Variants in CD247 observed in about 807,000 individuals in gnomAD.
The protein encoded by CD247 is T-cell surface glycoprotein CD3 zeta chain.
A neutral mutation model predicts 30.0 loss-of-function variants in CD247; 13 were observed. The observed-to-expected ratio is 0.43, with a 90% CI of 0.28 to 0.69. The LOEUF (loss-of-function observed/expected upper bound fraction) is 0.69, where lower values mean the gene tolerates loss of function less well. Among genes scored for constraint, CD247 ranks in the 30% least tolerant of loss-of-function variants. CD247 has a pLI of 0.16. For missense variants in CD247, 193 were observed against 212.6 expected, an observed-to-expected ratio of 0.91 and a Z score of 0.57; for synonymous variants, 72 against 80.0, an observed-to-expected ratio of 0.90 and a Z score of 0.53.
intron 1 of CD247, among the ~76,000 whole-genome samples, chr1:167,463,204 C>G (rs964300001): frequency 6.6e-6 from 1 of 152,170 alleles, no homozygotes; most frequent in Non-Finnish European, 1.5e-5. Context: ...CAGGAATTGT[C>G]CAGGGAATTA....
intron 1 of CD247, 96 bp downstream of exon 1, chr1:167,518,312 C>A: frequency 8.5e-7 from 1 of 1,173,750 alleles, no homozygotes; most frequent in Non-Finnish European, 1.3e-6. Flanking sequence ...TGAAGGAGAC[C>A]CCAGCCCCTC....
intron 1 of CD247, among the ~76,000 whole-genome samples, chr1:167,509,327 G>T (rs980149537): frequency 7.0e-6 from 1 of 142,772 alleles, no homozygotes; most frequent in Non-Finnish European, 1.5e-5. Context: ...TCGCGCCATT[G>T]CACTCCAGCC....
At chr1:167,478,028 GC>G (rs1241804699) in intron 1 of CD247, among the ~76,000 whole-genome samples, 5 of 152,204 alleles carry the variant, frequency 3.3e-5, no homozygotes, top group African/African-American at 1.2e-4. Flanking sequence ...CTGAGCTAAA[GC>G]CCTTGGCAAC....
intron 5 of CD247, 53 bp from the exon 6 acceptor site, chr1:167,434,129 C>T: frequency 6.5e-7 from 1 of 1,531,018 alleles, no homozygotes. Context: ...CAGAAAGCAG[C>T]AGGTTCCCCT....
chr1:167,483,359 A>G (rs574491669), intron 1 of CD247, among the ~76,000 whole-genome samples: 2 of 152,294 alleles, frequency 1.3e-5, no homozygotes, highest in Non-Finnish European at 2.9e-5. Context: ...TGTCCAGTGA[A>G]GAAAATCAGG....
intron 1 of CD247, among the ~76,000 whole-genome samples, chr1:167,482,109 G>T (rs1214606): frequency 0.38 from 57,915 of 152,008 alleles, 11,219 homozygotes; most frequent in East Asian, 0.48. Flanking sequence ...GCATGAATGA[G>T]AGGTCTTCTA....
intron 1 of CD247, among the ~76,000 whole-genome samples, chr1:167,445,098 G>A (rs1166089563): frequency 2.0e-5 from 3 of 151,954 alleles, no homozygotes; most frequent in Non-Finnish European, 4.4e-5. Context: ...GCTAATTTTT[G>A]TAATTTTAGT....
intron 1 of CD247, among the ~76,000 whole-genome samples, chr1:167,475,469 T>C (rs1045361163): frequency 2.6e-5 from 4 of 152,186 alleles, no homozygotes; most frequent in African/African-American, 9.7e-5. Context: ...AGTTTCTCTC[T>C]ATAGAAATAT....
chr1:167,508,494 A>G (rs907802422), intron 1 of CD247, among the ~76,000 whole-genome samples: 1 of 152,236 alleles, frequency 6.6e-6, no homozygotes, highest in Non-Finnish European at 1.5e-5. Flanking sequence ...AAGAAAAAGG[A>G]TAATCCTCTT....
At chr1:167,453,027 GAT>G (rs553658525) in intron 1 of CD247, among the ~76,000 whole-genome samples, 1 of 45,548 alleles carries the variant, frequency 2.2e-5, no homozygotes, top group Non-Finnish European at 4.4e-5. Flanking sequence ...ATATATTATA[GAT>G]ATATATTATA....
chr1:167,480,998 G>A (rs990876245), intron 1 of CD247, among the ~76,000 whole-genome samples: 2 of 152,192 alleles, frequency 1.3e-5, no homozygotes, highest in African/African-American at 4.8e-5. Flanking sequence ...TCCACTAAGA[G>A]GTGTTGAGCT....
At chr1:167,447,027 A>G (rs1051834255) in intron 1 of CD247, among the ~76,000 whole-genome samples, 1 of 152,180 alleles carries the variant, frequency 6.6e-6, no homozygotes, top group Non-Finnish European at 1.5e-5. Context: ...GGGTGTGTAC[A>G]AAGTGCCTGG....
At chr1:167,450,621 A>G (rs919081279) in intron 1 of CD247, among the ~76,000 whole-genome samples, 3 of 152,208 alleles carry the variant, frequency 2.0e-5, no homozygotes, top group Non-Finnish European at 4.4e-5. Context: ...TTACTTACAA[A>G]CATATAAAAA....
intron 1 of CD247, 45 bp downstream of exon 1, chr1:167,518,363 C>T: frequency 6.3e-7 from 1 of 1,599,044 alleles, no homozygotes; most frequent in East Asian, 2.2e-5. Context: ...TACACATACA[C>T]AAAGAGTTTC....
At chr1:167,484,090 G>A (rs990793647) in intron 1 of CD247, among the ~76,000 whole-genome samples, 19 of 152,248 alleles carry the variant, frequency 1.2e-4, no homozygotes, top group African/African-American at 4.3e-4. Context: ...CAGAGGCAGA[G>A]TGGAGAATAC....
At chr1:167,447,698 A>T (rs764380667) in intron 1 of CD247, among the ~76,000 whole-genome samples, 3 of 152,162 alleles carry the variant, frequency 2.0e-5, no homozygotes, top group Non-Finnish European at 2.9e-5. Flanking sequence ...TGTGACACTC[A>T]AATGGGAAGG....
At chr1:167,482,594 G>A (rs574972262) in intron 1 of CD247, among the ~76,000 whole-genome samples, 82 of 152,306 alleles carry the variant, frequency 5.4e-4, no homozygotes, top group Non-Finnish European at 8.7e-4. Flanking sequence ...GTGGAGAATC[G>A]TGACTCCACA....
chr1:167,476,890 T>G (rs1049027693), intron 1 of CD247, among the ~76,000 whole-genome samples: 1 of 152,262 alleles, frequency 6.6e-6, no homozygotes, highest in African/African-American at 2.4e-5. Flanking sequence ...TCTCATTTGA[T>G]TCTCATAAAA....
chr1:167,480,287 T>C (rs1239923072), intron 1 of CD247, among the ~76,000 whole-genome samples: 1 of 151,940 alleles, frequency 6.6e-6, no homozygotes, highest in Non-Finnish European at 1.5e-5. Flanking sequence ...GGAAACCGTT[T>C]AGAAAGTGGA....
Sources: gnomAD v4.1 joint callset for allele counts (sites outside exome capture counted in the v4.1 genomes callset) on GRCh38, gnomAD v4.1.1 for gene constraint, MANE v1.5 for transcripts, NCBI Gene and HGNC (gene_info 2026-07-23, HGNC 2026-07-21) for gene names.